Variants in OPCML observed in about 807,000 individuals in gnomAD.
OPCML encodes opioid-binding protein/cell adhesion molecule.
OPCML carries 13 observed loss-of-function variants against 37.8 expected under a neutral mutation model. That is an observed-to-expected ratio of 0.34 (90% confidence interval 0.22 to 0.55). OPCML has a LOEUF of 0.55. Among genes scored for constraint, OPCML ranks in the 20% least tolerant of loss-of-function variants. The probability of loss-of-function intolerance (pLI) is 0.91; values close to 1 mark genes in which losing one functional copy is unlikely to be tolerated. For synonymous variants in OPCML, 176 were observed against 168.8 expected (o/e 1.04, Z -0.33); for missense variants, 341 against 435.6 (o/e 0.78, Z 1.93).
At chr11:133,250,961 C>G (rs191764147) in intron 1 of OPCML, among the ~76,000 whole-genome samples, 108 of 152,148 alleles carry the variant, frequency 7.1e-4, no homozygotes, top group African/African-American at 2.5e-3. Flanking sequence ...GGAGGAGGAA[C>G]AGCTTTTTGC....
chr11:133,146,315 T>TC (rs1233174229), intron 1 of OPCML, among the ~76,000 whole-genome samples: 1 of 133,298 alleles, frequency 7.5e-6, no homozygotes, highest in Admixed American at 7.1e-5. Flanking sequence ...ATCTTTTCTT[T>TC]TTTTTTTTTT....
intron 7 of OPCML, among the ~76,000 whole-genome samples, chr11:132,426,904 A>G: frequency 6.6e-6 from 1 of 152,208 alleles, no homozygotes; most frequent in Non-Finnish European, 1.5e-5. Context: ...TGACAATCAC[A>G]GTACCCAAAC....
In OPCML at chr11:132,698,525, C is replaced by T. The variant is rs960160143; in HGVS notation, c.147-41206G>A. 9.8e-4 allele frequency among the ~76,000 whole-genome samples: 149 copies of T among 152,132 alleles called. 1 individual carries two copies. The highest frequency in any genetic ancestry group is 3.3e-3 in the African/African-American group (137 of 41,518). On this transcript the variant is annotated intron_variant, in intron 2 of 7. Coordinates refer to ENST00000524381, the MANE Select transcript of OPCML (RefSeq NM_001012393.5). ...CATTAAGTTGAGTTTGTATATATTT[C>T]GGATATTAATGCCTTCTCAGATATA... is the stretch of plus-strand genomic sequence containing the variant.
chr11:133,463,644 G>A (rs1304606192), intron 1 of OPCML, among the ~76,000 whole-genome samples: 2 of 152,068 alleles, frequency 1.3e-5, no homozygotes, highest in African/African-American at 2.4e-5. Context: ...TGTCTATGCT[G>A]TTCTAGCTCT....
At chr11:133,488,229 T>A (rs1947573873) in intron 1 of OPCML, among the ~76,000 whole-genome samples, 2 of 152,074 alleles carry the variant, frequency 1.3e-5, no homozygotes, top group South Asian at 4.2e-4. Flanking sequence ...ACTTTTATCA[T>A]TTCTATTCTC....
At chr11:133,385,321 T>C (rs1301644935) in intron 1 of OPCML, among the ~76,000 whole-genome samples, 2 of 152,282 alleles carry the variant, frequency 1.3e-5, no homozygotes, top group African/African-American at 4.8e-5. Flanking sequence ...CCCTCTCAGA[T>C]TCCCGACCCA....
At chr11:132,659,159 G>T (rs1941842062) in intron 2 of OPCML, among the ~76,000 whole-genome samples, 1 of 152,122 alleles carries the variant, frequency 6.6e-6, no homozygotes, top group Non-Finnish European at 1.5e-5. Context: ...ACATCGTGAG[G>T]CATCTTGCTT....
chr11:133,175,284 GAGGA>G (rs1950350837), intron 1 of OPCML, among the ~76,000 whole-genome samples: 1 of 152,202 alleles, frequency 6.6e-6, no homozygotes, highest in Admixed American at 6.5e-5. Context: ...ATGTGGCTGA[GAGGA>G]AGGACTCACA....
chr11:133,079,298 C>T (rs561496576), intron 1 of OPCML, among the ~76,000 whole-genome samples: 1 of 152,286 alleles, frequency 6.6e-6, no homozygotes, highest in African/African-American at 2.4e-5. Context: ...AGGGTTATCC[C>T]ATCTGAATAA....
At chr11:132,619,739 C>T (rs947594335) in intron 3 of OPCML, among the ~76,000 whole-genome samples, 4 of 150,044 alleles carry the variant, frequency 2.7e-5, no homozygotes, top group Non-Finnish European at 4.4e-5. Flanking sequence ...GTAGTCCCAG[C>T]TACTCGAGAG....
chr11:132,956,524 T>C (rs1532917), intron 1 of OPCML, among the ~76,000 whole-genome samples: 78,890 of 152,034 alleles, frequency 0.52, 20,663 homozygotes, highest in East Asian at 0.72. Flanking sequence ...TTATTGTAGG[T>C]TTTGACCAAA....
chr11:133,354,270 G>GGGA (rs1944219807), intron 1 of OPCML, among the ~76,000 whole-genome samples: 1 of 138,286 alleles, frequency 7.2e-6, no homozygotes, highest in Non-Finnish European at 1.6e-5. Flanking sequence ...TGGTGGTAGT[G>GGGA]GTGGTGATAG....
chr11:132,649,517 G>T (rs999889942), intron 3 of OPCML, among the ~76,000 whole-genome samples: 1 of 152,120 alleles, frequency 6.6e-6, no homozygotes, highest in Non-Finnish European at 1.5e-5. Flanking sequence ...AGGTGCAGAA[G>T]GTGGTGTGGG....
chr11:132,868,467 C>A (rs1345000448), intron 2 of OPCML, among the ~76,000 whole-genome samples: 3 of 152,084 alleles, frequency 2.0e-5, no homozygotes, highest in Non-Finnish European at 4.4e-5. Context: ...AGTCACTTAA[C>A]ATTCCTTTAT....
chr11:133,342,893 G>A (rs1943906880), intron 1 of OPCML, among the ~76,000 whole-genome samples: 1 of 152,176 alleles, frequency 6.6e-6, no homozygotes, highest in African/African-American at 2.4e-5. Context: ...AGACTCATGA[G>A]GAAGAGGTGA....
intron 1 of OPCML, among the ~76,000 whole-genome samples, chr11:133,303,800 A>G (rs1425936595): frequency 6.6e-6 from 1 of 152,198 alleles, no homozygotes; most frequent in Admixed American, 6.5e-5. Context: ...AAAAGGTGGA[A>G]GACACTGTTG....
intron 1 of OPCML, among the ~76,000 whole-genome samples, chr11:133,263,681 C>A (rs557676980): frequency 1.4e-4 from 22 of 152,096 alleles, no homozygotes; most frequent in Non-Finnish European, 2.5e-4. Flanking sequence ...ATGAAACACC[C>A]GCCACTAATG....
At chr11:132,970,408 C>A (rs951831664) in intron 1 of OPCML, among the ~76,000 whole-genome samples, 1 of 152,020 alleles carries the variant, frequency 6.6e-6, no homozygotes, top group Non-Finnish European at 1.5e-5. Context: ...AAAACCCCAG[C>A]TTTTCCTTAA....
At chr11:133,338,285 T>C (rs948107216) in intron 1 of OPCML, among the ~76,000 whole-genome samples, 2 of 152,192 alleles carry the variant, frequency 1.3e-5, no homozygotes, top group Non-Finnish European at 2.9e-5. Flanking sequence ...ACTGGCTCTC[T>C]TGCTACAAAA....
Sources: gnomAD v4.1 joint callset for allele counts (sites outside exome capture counted in the v4.1 genomes callset) on GRCh38, gnomAD v4.1.1 for gene constraint, MANE v1.5 for transcripts, NCBI Gene and HGNC (gene_info 2026-07-23, HGNC 2026-07-21) for gene names.